Variants in EMCN observed in about 807,000 individuals in gnomAD.
The protein encoded by EMCN is endomucin.
EMCN carries 37 observed loss-of-function variants against 38.4 expected under a neutral mutation model. The observed-to-expected ratio is 0.96, with a 90% CI of 0.74 to 1.27. EMCN has a LOEUF of 1.27. Ranked by LOEUF, EMCN falls within the 50% of genes most tolerant of loss-of-function variation. The pLI is 0.00. For missense variants in EMCN, 318 were observed against 302.8 expected, an observed-to-expected ratio of 1.05 and a Z score of -0.37; for synonymous variants, 95 against 100.8, an observed-to-expected ratio of 0.94 and a Z score of 0.35.
chr4:100,513,131 T>A (rs1176131174), intron 1 of EMCN, among the ~76,000 whole-genome samples: 1 of 152,186 alleles, frequency 6.6e-6, no homozygotes, highest in Non-Finnish European at 1.5e-5. Context: ...TGACAACTGT[T>A]ATAAATCTTT....
At chr4:100,456,750 G>A (rs567971014) in intron 4 of EMCN, among the ~76,000 whole-genome samples, 5 of 152,002 alleles carry the variant, frequency 3.3e-5, no homozygotes, top group Admixed American at 6.6e-5. Context: ...TGATAGTAAC[G>A]AATTCTTATC....
intron 1 of EMCN, among the ~76,000 whole-genome samples, chr4:100,503,248 C>T (rs1038730783): frequency 2.8e-4 from 43 of 152,010 alleles, no homozygotes; most frequent in African/African-American, 9.9e-4. Context: ...TAAGGCCTAC[C>T]GAAGTTTTGT....
At chr4:100,439,512 TATTA>T (rs1727450976) in intron 5 of EMCN, among the ~76,000 whole-genome samples, 1 of 151,740 alleles carries the variant, frequency 6.6e-6, no homozygotes, top group Non-Finnish European at 1.5e-5. Flanking sequence ...TGATTTTATT[TATTA>T]GTCTTCCCTT....
intron 3 of EMCN, among the ~76,000 whole-genome samples, chr4:100,471,567 G>T (rs1317251310): frequency 1.3e-5 from 2 of 151,758 alleles, no homozygotes; most frequent in East Asian, 3.9e-4. Flanking sequence ...GTAGAGAAGG[G>T]AACACTTCCC....
chr4:100,493,130 A>C (rs997269579), intron 1 of EMCN, among the ~76,000 whole-genome samples: 13 of 152,220 alleles, frequency 8.5e-5, no homozygotes, highest in Admixed American at 3.9e-4. Flanking sequence ...GTCGCTATAC[A>C]GTCAGTTAAC....
intron 1 of EMCN, among the ~76,000 whole-genome samples, chr4:100,512,689 C>T (rs1729657204): frequency 6.6e-6 from 1 of 151,756 alleles, no homozygotes; most frequent in African/African-American, 2.4e-5. Flanking sequence ...GTCTGTAATC[C>T]CAGCTACTTG....
At chr4:100,440,470 TGTAA>T (rs1478836152) in intron 5 of EMCN, among the ~76,000 whole-genome samples, 3 of 152,168 alleles carry the variant, frequency 2.0e-5, no homozygotes, top group Non-Finnish European at 2.9e-5. Flanking sequence ...AGCTCCCACT[TGTAA>T]GTGAGAATAT....
In EMCN at chr4:100,448,826, C is replaced by CCTTCCTTCTTTCCTT. The variant is rs1179151604; in HGVS notation, c.377-1256_377-1255insAAGGAAAGAAGGAAG. Among the ~76,000 whole-genome samples the CCTTCCTTCTTTCCTT allele has an allele frequency of 5.9e-4, 82 of 139,328 alleles. 2 individuals carry two copies. The highest frequency in any genetic ancestry group is 2.0e-3 in the African/African-American group (73 of 35,754). The allele number at this position is 139,328 out of a possible 152,430, so 91.4% of individuals were successfully genotyped here. A position where few individuals can be genotyped will look rare whatever the true frequency, so the allele number is the denominator to read the frequency against. ...TTCCTTCCTTCCTTCCTTCCTTCCT[C>CCTTCCTTCTTTCCTT]CCTCCCTCCCTCCCTCCCTTCCTTG... On this transcript the variant is annotated intron_variant, in intron 4 of 11. Transcript: ENST00000296420.
chr4:100,486,898 A>AT (rs1419673479), intron 1 of EMCN: 1 of 985,302 alleles, frequency 1.0e-6, no homozygotes, highest in Non-Finnish European at 1.2e-6. Context: ...CCATGCAGTT[A>AT]TTTTTCCTTC....
intron 10 of EMCN, among the ~76,000 whole-genome samples, chr4:100,414,211 G>A (rs1383901357): frequency 1.6e-4 from 24 of 152,138 alleles, no homozygotes; most frequent in Admixed American, 1.6e-3. Context: ...CATGACTGCA[G>A]AGGGTTTGGA....
intron 11 of EMCN, among the ~76,000 whole-genome samples, chr4:100,402,049 A>G (rs1218732276): frequency 6.6e-6 from 1 of 152,148 alleles, no homozygotes; most frequent in Non-Finnish European, 1.5e-5. Flanking sequence ...TCATTATATA[A>G]TGTCACTGTG....
intron 1 of EMCN, among the ~76,000 whole-genome samples, chr4:100,485,755 C>T (rs1728924345): frequency 6.6e-6 from 1 of 151,936 alleles, no homozygotes; most frequent in South Asian, 2.1e-4. Flanking sequence ...AATGGTGCTC[C>T]TTCTCTTTTG....
At chr4:100,457,523 T>A (rs1728052784) in intron 4 of EMCN, among the ~76,000 whole-genome samples, 1 of 152,200 alleles carries the variant, frequency 6.6e-6, no homozygotes, top group Non-Finnish European at 1.5e-5. Context: ...ATGTTAAATT[T>A]TGTCAAATGT....
intron 5 of EMCN, among the ~76,000 whole-genome samples, chr4:100,440,572 ACT>A (rs1309702180): frequency 2.6e-5 from 4 of 151,704 alleles, no homozygotes; most frequent in African/African-American, 9.7e-5. Context: ...ACATTATTTC[ACT>A]CTTTTTAATG....
At chr4:100,496,125 AT>A (rs1419509855) in intron 1 of EMCN, among the ~76,000 whole-genome samples, 1 of 152,032 alleles carries the variant, frequency 6.6e-6, no homozygotes, top group East Asian at 1.9e-4. Flanking sequence ...TGGATTTATG[AT>A]TTTTGTTTTT....
intron 6 of EMCN, 69 bp from the exon 7 acceptor site, chr4:100,423,149 C>G: frequency 5.4e-6 from 8 of 1,489,444 alleles, no homozygotes; most frequent in Non-Finnish European, 7.5e-6. Flanking sequence ...TCCCTCCACC[C>G]TCATTTAAGG....
chr4:100,459,802 C>A (rs931583388), intron 4 of EMCN, among the ~76,000 whole-genome samples: 5 of 152,092 alleles, frequency 3.3e-5, no homozygotes, highest in African/African-American at 1.2e-4. Context: ...TGTATATATA[C>A]CACATTTTCT....
intron 1 of EMCN, among the ~76,000 whole-genome samples, chr4:100,493,701 G>A (rs976093885): frequency 1.3e-5 from 2 of 151,944 alleles, no homozygotes; most frequent in African/African-American, 2.4e-5. Context: ...TATTTTACAC[G>A]GGGGTTGTTT....
intron 4 of EMCN, among the ~76,000 whole-genome samples, chr4:100,454,238 C>A (rs1363961047): frequency 7.8e-4 from 97 of 124,270 alleles, no homozygotes; most frequent in East Asian, 1.1e-3. Context: ...AAGCCATTAG[C>A]AAAAAAAAAA....
Sources: allele counts gnomAD v4.1 joint callset (sites outside exome capture counted in the v4.1 genomes callset), GRCh38; gene constraint gnomAD v4.1.1; transcripts MANE v1.5; gene names NCBI Gene and HGNC (gene_info 2026-07-23, HGNC 2026-07-21).